The following SSH3 variants were observed in gnomAD, a reference collection of about 807,000 sequenced individuals.
The protein encoded by SSH3 is slingshot protein phosphatase 3.
A neutral mutation model predicts 75.0 loss-of-function variants in SSH3; 67 were observed. The observed-to-expected ratio is 0.89, with a 90% CI of 0.73 to 1.10. The LOEUF (loss-of-function observed/expected upper bound fraction) is 1.10, where lower values mean the gene tolerates loss of function less well. SSH3 is among the 50% of genes least tolerant of loss of function. The probability of loss-of-function intolerance (pLI) is 0.00; values close to 1 mark genes in which losing one functional copy is unlikely to be tolerated. For synonymous variants in SSH3, 318 were observed against 349.2 expected (o/e 0.91, Z 1.00); for missense variants, 824 against 872.7 (o/e 0.94, Z 0.70).
rs763018987 is a variant in SSH3, at chr11:67,311,764, CCAGGAG to C, written c.1868_1873del (p.Glu623_Gln624del). ...TGGTGGCCAACCGGACCCAGGCCTT[CCAGGAG>C]CAGGAGCAGGGGCAGGGGCAGGGGC... On this transcript the variant is annotated inframe_deletion, in exon 14 of 14. Coordinates refer to ENST00000308127, the MANE Select transcript of SSH3 (RefSeq NM_017857.4). 29 of 1,613,750 alleles carry C rather than the reference CCAGGAG, an allele frequency of 1.8e-5. 1 individual carries two copies. Among genetic ancestry groups the C allele is most frequent in the South Asian group, 5.5e-5 (5 of 91,062 alleles).
intron 10 of SSH3, 196 bp from the exon 11 acceptor site, chr11:67,309,201 A>G: frequency 3.1e-6 from 2 of 635,876 alleles, no homozygotes; most frequent in Non-Finnish European, 5.4e-6. Context: ...TGGGGAAACA[A>G]GCCCAGCAGG....
At position 67,303,646 on chromosome 11, in the gene SSH3, C is replaced by T; in HGVS notation, c.21C>T (p.Ser7=). Residue 7 remains serine, a synonymous_variant, in exon 1 of 14, where the codon AGC becomes AGT. Transcript: ENST00000308127. MALVTV[S]RSPPGSGAST... Reference sequence around the variant, plus strand: ...GCTCCATGGCCCTGGTCACAGTGAGCCGTTCGCCCCCGGGCAGCGGCGCCT... The same window carrying T: ...GCTCCATGGCCCTGGTCACAGTGAGTCGTTCGCCCCCGGGCAGCGGCGCCT... 1 of 1,514,178 alleles carries T rather than the reference C, an allele frequency of 6.6e-7. No homozygotes were observed. The highest frequency in any genetic ancestry group is 1.2e-5 in the South Asian group (1 of 82,088). The allele number at this position is 1,514,178 out of a possible 1,614,324, so 93.8% of individuals were successfully genotyped here. A position where few individuals can be genotyped will look rare whatever the true frequency, so the allele number is the denominator to read the frequency against.
In SSH3 at chr11:67,307,696, C is replaced by T. The variant is rs771671434; in HGVS notation, c.750C>T (p.Ala250=). The change falls in exon 7 of 14, where the codon GCC becomes GCT. Residue 250 remains alanine (A), a synonymous_variant. Coordinates refer to ENST00000308127, the MANE Select transcript of SSH3 (RefSeq NM_017857.4). This position sits in a 1 kb window ranked among gnomAD's most constrained non-coding sequence, Gnocchi z 4.2. ...GCCTCAATGAGTGGACGGCTATGGCCGACCTGGAGTCTCTGCGGCCTCCCA... is the reference window on the plus strand; with the variant it reads ...GCCTCAATGAGTGGACGGCTATGGCTGACCTGGAGTCTCTGCGGCCTCCCA... ...QSCLNEWTAM[A]DLESLRPPSA... is the part of the protein sequence containing the mutation. The T allele has an allele frequency of 1.3e-5, 21 of 1,613,908 alleles. No individual in the cohort carries two copies. Among genetic ancestry groups the T allele is most frequent in the Admixed American group, 1.0e-4 (6 of 60,002 alleles).
rs1861156760 is a variant in SSH3, at chr11:67,304,165, A to G, written c.104+10A>G. The G allele has an allele frequency of 6.3e-7, 1 of 1,588,156 alleles. No homozygotes were observed. Among genetic ancestry groups the G allele is most frequent in the Non-Finnish European group, 8.6e-7 (1 of 1,167,960 alleles). On this transcript the variant is annotated intron_variant, in intron 2 of 13. Transcript: ENST00000308127. ...GTCGACTCCAGCGAAGGTGAGCGCC[A>G]CCTCCCCCACGCAGACACTTCCGTC...
In SSH3 at chr11:67,308,376, G is replaced by C; in HGVS notation, c.1015-36G>C. On this transcript the variant is annotated intron_variant, in intron 9 of 13. Transcript: ENST00000308127. This position sits in a 1 kb window ranked among gnomAD's most constrained non-coding sequence, Gnocchi z 4.9. ...GGCGGCAGGCCAGGAGCAGAGGCTG[G>C]AGGAGAGGAGAAATGTGCTGTTCCC... 6.2e-7 allele frequency: 1 copy of C among 1,613,920 alleles called. No homozygotes were observed. Among genetic ancestry groups the C allele is most frequent in the East Asian group, 2.2e-5 (1 of 44,884 alleles).
In SSH3 at chr11:67,309,764, A is replaced by C; in HGVS notation, c.1209-4A>C. ...AGGGTGCTGAACCTGGCCTGCTTCC[A>C]CAGAGCACAGGGCACCCACGTGCTG... On this transcript the variant is annotated splice_polypyrimidine_tract_variant and splice_region_variant and intron_variant, in intron 11 of 13. Coordinates refer to ENST00000308127, the MANE Select transcript of SSH3 (RefSeq NM_017857.4). 6.2e-7 allele frequency: 1 copy of C among 1,612,636 alleles called. No individual in the cohort carries two copies.
At position 67,303,541 on chromosome 11, in the gene SSH3, C is replaced by G; in HGVS notation, c.-85C>G. ...GCCCGGGTGGCGCCGTCCGTCCTTCCTGGTCCTGCGGGTCCAGGACTGTCC... is the reference window on the plus strand; with the variant it reads ...GCCCGGGTGGCGCCGTCCGTCCTTCGTGGTCCTGCGGGTCCAGGACTGTCC... On this transcript the variant is annotated 5_prime_UTR_variant, in exon 1 of 14. Transcript: ENST00000308127. The G allele has an allele frequency of 5.8e-6, 8 of 1,383,902 alleles. No homozygotes were observed. Among genetic ancestry groups the G allele is most frequent in the Non-Finnish European group, 7.7e-6 (8 of 1,033,614 alleles). 85.7% of individuals were successfully genotyped at this position (1,383,902 alleles called of 1,614,324 possible).
Position 67,308,245 on chromosome 11 carries a change from G to A in SSH3, c.957G>A (p.Met319Ile). ...ACCGTGACTTCATCGACAACCAGATGCTGCTGCTGGTGGCACAGCGGGACC... is the reference window on the plus strand; with the variant it reads ...ACCGTGACTTCATCGACAACCAGATACTGCTGCTGGTGGCACAGCGGGACC... Reference protein sequence around the residue: ...QQYRDFIDNQMLLLVAQRDRA... With the variant: ...QQYRDFIDNQILLLVAQRDRA... Residue 319 changes from methionine (M) to isoleucine (I), a missense_variant, in exon 9 of 14, where the codon ATG (methionine) becomes ATA (isoleucine). Physicochemically the swap from Met to Ile is conservative, Grantham distance 10. Transcript: ENST00000308127. The surrounding 1 kb of genome is among the most constrained non-coding windows in gnomAD (Gnocchi z 4.9). 6.2e-7 allele frequency: 1 copy of A among 1,614,144 alleles called. No homozygotes were observed. The highest frequency in any genetic ancestry group is 8.5e-7 in the Non-Finnish European group (1 of 1,180,032).
chr11:67,308,648 C>A lies in SSH3; in HGVS notation c.1061+190C>A, dbSNP rs1861322724. Among the ~76,000 whole-genome samples, 1 of 152,064 alleles carries A rather than the reference C, an allele frequency of 6.6e-6. No homozygotes were observed. Among genetic ancestry groups the A allele is most frequent in the African/African-American group, 2.4e-5 (1 of 41,398 alleles). ...GGGGACAGGAGACCTGCTGGCCAGC[C>A]CCCGCCCACTCTCCTCCCCCATCCA... On this transcript the variant is annotated intron_variant, in intron 10 of 13. Coordinates refer to ENST00000308127, the MANE Select transcript of SSH3 (RefSeq NM_017857.4). The surrounding 1 kb of genome is among the most constrained non-coding windows in gnomAD (Gnocchi z 4.9).
intron 13 of SSH3, 86 bp from the exon 14 acceptor site, chr11:67,311,505 C>A: frequency 6.5e-7 from 1 of 1,545,832 alleles, no homozygotes; most frequent in Non-Finnish European, 8.8e-7. Flanking sequence ...CTTGGCACCC[C>A]TGCCCCAGAT....
chr11:67,305,467 C>T (rs1308348060), intron 3 of SSH3, among the ~76,000 whole-genome samples: 8 of 152,190 alleles, frequency 5.3e-5, no homozygotes, highest in Non-Finnish European at 8.8e-5. Flanking sequence ...GGATTACAGG[C>T]GTGAGCCACC....
Position 67,307,180 on chromosome 11 carries a change from G to C in SSH3, c.536+67G>C. 1 of 1,595,614 alleles carries C rather than the reference G, an allele frequency of 6.3e-7. No individual in the cohort carries two copies. On this transcript the variant is annotated intron_variant, in intron 5 of 13. Coordinates refer to ENST00000308127, the MANE Select transcript of SSH3 (RefSeq NM_017857.4). The surrounding 1 kb of genome is among the most constrained non-coding windows in gnomAD (Gnocchi z 4.2). ...AACTGAGTGTGACGGATGTGACGGG[G>C]CCTGGGCACCAGGGTACAGTAGAAC...
At position 67,304,825 on chromosome 11, in the gene SSH3, G is replaced by A. The variant is rs765391716; in HGVS notation, c.157G>A (p.Asp53Asn). ...TGTCCTGGGACTGCAGGATGGAGGG[G>A]ACAATGATGATGCAGCAGAGGCCAG... ...GAVLGLQDGG[D>N]NDDAAEASSE... The change falls in exon 3 of 14, where the codon GAC (aspartate) becomes AAC (asparagine). Residue 53 changes from aspartate to asparagine, a missense_variant. Coordinates refer to ENST00000308127, the MANE Select transcript of SSH3 (RefSeq NM_017857.4). 31 of 1,613,174 alleles carry A rather than the reference G, an allele frequency of 1.9e-5. No homozygotes were observed. Among genetic ancestry groups the A allele is most frequent in the Non-Finnish European group, 2.5e-5 (30 of 1,179,820 alleles).
In SSH3 at chr11:67,312,026, G is replaced by A; in HGVS notation, c.*139G>A. ...CACTACAGCCTCACCTCCCACCCCT[G>A]TCACTACGGCCTCACCTCCCACCCC... On this transcript the variant is annotated 3_prime_UTR_variant, in exon 14 of 14. Coordinates refer to ENST00000308127, the MANE Select transcript of SSH3 (RefSeq NM_017857.4). The A allele has an allele frequency of 8.7e-7, 1 of 1,149,556 alleles. No individual in the cohort carries two copies. Among genetic ancestry groups the A allele is most frequent in the Non-Finnish European group, 1.2e-6 (1 of 854,222 alleles). 71.2% of individuals were successfully genotyped at this position (1,149,556 alleles called of 1,614,324 possible).
At chr11:67,311,092 A>G (rs1240802127) in intron 13 of SSH3, among the ~76,000 whole-genome samples, 1 of 152,030 alleles carries the variant, frequency 6.6e-6, no homozygotes, top group Non-Finnish European at 1.5e-5. Context: ...CATTTGGGAG[A>G]GGCTTCCTGG....
At position 67,310,218 on chromosome 11, in the gene SSH3, C is replaced by A; in HGVS notation, c.1562C>A (p.Ala521Asp). Residue 521 changes from alanine (A) to aspartate (D), a missense_variant, in exon 13 of 14, where the codon GCC (alanine) becomes GAC (aspartate). Ala to Asp is a moderately radical substitution (Grantham distance 126, BLOSUM62 -2). Coordinates refer to ENST00000308127, the MANE Select transcript of SSH3 (RefSeq NM_017857.4). The part of the protein sequence containing the change: ...KVVGMEESQA[A>D]PKEEPGPRPR... ...GTAGGCATGGAAGAGAGCCAGGCAG[C>A]CCCGAAAGAAGAGCCTGGGCCACGG... is the stretch of plus-strand genomic sequence containing the variant. 6.2e-7 allele frequency: 1 copy of A among 1,614,196 alleles called. No homozygotes were observed. The highest frequency in any genetic ancestry group is 1.1e-5 in the South Asian group (1 of 91,082).
intron 3 of SSH3, among the ~76,000 whole-genome samples, chr11:67,305,596 G>C (rs1861219285): frequency 1.3e-5 from 2 of 152,212 alleles, no homozygotes; most frequent in African/African-American, 4.8e-5. Context: ...TAGGTCCAAG[G>C]GGTGGGAATT....
In SSH3 at chr11:67,307,005, CAG is replaced by C. The variant is rs1020480405; in HGVS notation, c.465-36_465-35del. ...AAAGGAGGGGCAAAGAGGTGAGGGA[CAG>C]GGGGGACAATGGCTTTCCCTCTGTC... On this transcript the variant is annotated intron_variant, in intron 4 of 13. Transcript: ENST00000308127. The surrounding 1 kb of genome is among the most constrained non-coding windows in gnomAD (Gnocchi z 4.2). 3 of 1,613,566 alleles carry C rather than the reference CAG, an allele frequency of 1.9e-6. No individual in the cohort carries two copies. The highest frequency in any genetic ancestry group is 2.7e-5 in the African/African-American group (2 of 74,904).
intron 3 of SSH3, 118 bp from the exon 4 acceptor site, chr11:67,306,720 G>C (rs957200856): frequency 9.9e-6 from 12 of 1,213,612 alleles, no homozygotes; most frequent in African/African-American, 1.5e-5. Context: ...TTACATCTGG[G>C]AAGAGGGGGG....
Sources: gnomAD v4.1 joint callset for allele counts (sites outside exome capture counted in the v4.1 genomes callset) on GRCh38, gnomAD v4.1.1 for gene constraint, Gnocchi (gnomAD v3.1) non-coding constraint, MANE v1.5 for transcripts, NCBI Gene and HGNC (gene_info 2026-07-23, HGNC 2026-07-21) for gene names.